Variants in KIAA0825 observed in about 807,000 individuals in gnomAD.
KIAA0825 encodes the protein uncharacterized protein KIAA0825.
KIAA0825 carries 119 observed loss-of-function variants against 147.6 expected under a neutral mutation model. The ratio of observed to expected loss-of-function variants is 0.81; its 90% confidence interval spans 0.69 to 0.94. KIAA0825 has a LOEUF of 0.94. Ranked by LOEUF, KIAA0825 falls within the 40% of genes least tolerant of loss-of-function variation. KIAA0825 has a pLI of 0.00. For synonymous variants in KIAA0825, 470 were observed against 518.1 expected (o/e 0.91, Z 1.26); for missense variants, 1,381 against 1,472.7 (o/e 0.94, Z 1.02).
chr5:94,257,747 G>A (rs1024294737), intron 20 of KIAA0825, among the ~76,000 whole-genome samples: 5 of 152,048 alleles, frequency 3.3e-5, no homozygotes, highest in African/African-American at 7.2e-5. Context: ...CTAAAAGGAC[G>A]TGATATTCTC....
chr5:94,227,161 T>C (rs568839577), intron 20 of KIAA0825, among the ~76,000 whole-genome samples: 5 of 152,186 alleles, frequency 3.3e-5, no homozygotes, highest in Non-Finnish European at 7.3e-5. Context: ...TGTCCAACAA[T>C]GATAGACTGG....
intron 6 of KIAA0825, among the ~76,000 whole-genome samples, chr5:94,484,048 CAG>C (rs1762773701): frequency 6.6e-6 from 1 of 151,446 alleles, no homozygotes; most frequent in African/African-American, 2.4e-5. Flanking sequence ...GATATGATAA[CAG>C]AGAACATACC....
chr5:94,462,065 AC>A (rs1323008112), intron 12 of KIAA0825, among the ~76,000 whole-genome samples: 3 of 151,976 alleles, frequency 2.0e-5, no homozygotes, highest in African/African-American at 7.2e-5. Context: ...CACTGCGATA[AC>A]CAGGCCATCA....
intron 20 of KIAA0825, among the ~76,000 whole-genome samples, chr5:94,156,107 T>C (rs550415166): frequency 6.6e-6 from 1 of 152,252 alleles, no homozygotes; most frequent in African/African-American, 2.4e-5. Flanking sequence ...TATCACTCTT[T>C]AAATTCTCAA....
rs79614925 is a variant in KIAA0825, at chr5:94,254,000, G to A, written c.3711-99876C>T. ...AATAGACTCTTAGTGAGCAAGAGACGCGTAAGAGCCGTTCCTAATCTCATC... is the reference window on the plus strand; with the variant it reads ...AATAGACTCTTAGTGAGCAAGAGACACGTAAGAGCCGTTCCTAATCTCATC... On this transcript the variant is annotated intron_variant, in intron 20 of 20. Transcript: ENST00000682413. 5.9e-5 allele frequency among the ~76,000 whole-genome samples: 9 copies of A among 152,202 alleles called. No individual in the cohort carries two copies. In the East Asian group the frequency reaches 1.4e-3, roughly 23 times the overall value.
intron 20 of KIAA0825, among the ~76,000 whole-genome samples, chr5:94,266,260 T>C (rs1776733054): frequency 6.6e-6 from 1 of 152,324 alleles, no homozygotes; most frequent in South Asian, 2.1e-4. Context: ...TAAAGATTTT[T>C]CAGATGAGAT....
intron 20 of KIAA0825, among the ~76,000 whole-genome samples, chr5:94,365,584 T>C (rs74427388): frequency 6.6e-5 from 10 of 152,186 alleles, no homozygotes; most frequent in African/African-American, 2.4e-4. Flanking sequence ...TGCAAAGCCA[T>C]AACTGAGAAA....
chr5:94,584,026 T>C (rs923440422), intron 1 of KIAA0825, among the ~76,000 whole-genome samples: 1 of 152,010 alleles, frequency 6.6e-6, no homozygotes, highest in Non-Finnish European at 1.5e-5. Context: ...CAAAACCTCA[T>C]CCGTAGGTCA....
chr5:94,324,084 T>C (rs1241549005), intron 20 of KIAA0825, among the ~76,000 whole-genome samples: 2 of 151,978 alleles, frequency 1.3e-5, no homozygotes, highest in Non-Finnish European at 2.9e-5. Flanking sequence ...TTTTGACACC[T>C]TCGTCTTTCG....
chr5:94,371,544 C>T (rs900141601), intron 20 of KIAA0825, among the ~76,000 whole-genome samples: 18 of 151,982 alleles, frequency 1.2e-4, no homozygotes, highest in African/African-American at 3.6e-4. Context: ...GAATGAGAGC[C>T]GAGCGAGGGG....
intron 20 of KIAA0825, among the ~76,000 whole-genome samples, chr5:94,277,569 A>G (rs1222078929): frequency 1.3e-5 from 2 of 152,200 alleles, no homozygotes; most frequent in East Asian, 1.9e-4. Flanking sequence ...ACCATCTCAC[A>G]CCAGTTAGAA....
intron 18 of KIAA0825, among the ~76,000 whole-genome samples, chr5:94,389,157 TC>T (rs1242195007): frequency 6.6e-6 from 1 of 152,176 alleles, no homozygotes; most frequent in Non-Finnish European, 1.5e-5. Flanking sequence ...CCTGGCCCTA[TC>T]CCACAGTACT....
chr5:94,406,989 T>A (rs1752149198), intron 15 of KIAA0825, among the ~76,000 whole-genome samples: 1 of 152,108 alleles, frequency 6.6e-6, no homozygotes, highest in African/African-American at 2.4e-5. Flanking sequence ...AAACAGTCAG[T>A]AGCAATGGTT....
rs11363132 is a variant in KIAA0825, at chr5:94,151,423, C to CAAAAAAAA, written c.*2576_*2583dup. 4.6e-5 allele frequency among the ~76,000 whole-genome samples: 1 copy of CAAAAAAAA among 21,548 alleles called. No individual in the cohort carries two copies. The highest frequency in any genetic ancestry group is 9.1e-5 in the Non-Finnish European group (1 of 10,932). The allele number at this position is 21,548 out of a possible 152,430, so 14.1% of individuals were successfully genotyped here. A position where few individuals can be genotyped will look rare whatever the true frequency, so the allele number is the denominator to read the frequency against. On this transcript the variant is annotated 3_prime_UTR_variant, in exon 21 of 21. Transcript: ENST00000682413. ...TGGGCGACAGAGCGAGACTCCGTCTCAAAAAAAAAAAAAAAAAAAAAAAAA... is the reference window on the plus strand; with the variant it reads ...TGGGCGACAGAGCGAGACTCCGTCTCAAAAAAAAAAAAAAAAAAAAAAAAAAAAAAAAA...
In KIAA0825 at chr5:94,474,945, C is replaced by T. The variant is rs540612147; in HGVS notation, c.1228-1426G>A. Among the ~76,000 whole-genome samples, 27 of 152,064 alleles carry T rather than the reference C, an allele frequency of 1.8e-4. No individual in the cohort carries two copies. The East Asian group carries it at 4.5e-3, about 25-fold the overall frequency. ...TCTACTAAAAATACAAAAAATTAGC[C>T]GGGCGTGGTGGCACGTGCCTGTAGT... is the stretch of plus-strand genomic sequence containing the variant. On this transcript the variant is annotated intron_variant, in intron 7 of 20. Transcript: ENST00000682413.
chr5:94,182,948 G>A (rs528622484), intron 20 of KIAA0825, among the ~76,000 whole-genome samples: 1 of 152,242 alleles, frequency 6.6e-6, no homozygotes, highest in African/African-American at 2.4e-5. Context: ...TAGTAATTAT[G>A]GTTTTTCTTG....
At chr5:94,558,368 G>A (rs1776957887) in intron 2 of KIAA0825, among the ~76,000 whole-genome samples, 1 of 152,200 alleles carries the variant, frequency 6.6e-6, no homozygotes, top group South Asian at 2.1e-4. Context: ...TGGTAAACCA[G>A]TCAAGTTAAT....
intron 20 of KIAA0825, among the ~76,000 whole-genome samples, chr5:94,165,256 G>A (rs1358110786): frequency 6.6e-6 from 1 of 152,088 alleles, no homozygotes; most frequent in Non-Finnish European, 1.5e-5. Flanking sequence ...ATATGAAAAG[G>A]TGCTCAGCAT....
chr5:94,532,349 C>T (rs776393522), intron 3 of KIAA0825, among the ~76,000 whole-genome samples: 28 of 152,000 alleles, frequency 1.8e-4, no homozygotes, highest in Non-Finnish European at 1.3e-4. Context: ...CAGTGTTTCG[C>T]CATGTTGCCC....
Sources: allele counts gnomAD v4.1 joint callset (sites outside exome capture counted in the v4.1 genomes callset), GRCh38; gene constraint gnomAD v4.1.1; transcripts MANE v1.5; gene names NCBI Gene and HGNC (gene_info 2026-07-23, HGNC 2026-07-21).